Variants in HIF1A observed in about 807,000 individuals in gnomAD.
HIF1A encodes hypoxia inducible factor 1 subunit alpha, also known as hypoxia-inducible factor 1-alpha.
Under a neutral mutation model 92.7 loss-of-function variants are expected in HIF1A, and 24 were observed. The observed-to-expected ratio is 0.26, with a 90% CI of 0.19 to 0.36. The LOEUF (loss-of-function observed/expected upper bound fraction) is 0.36. HIF1A is among the 10% of genes least tolerant of loss of function. The pLI, the probability that HIF1A is intolerant of heterozygous loss-of-function variation, is 1.00. For missense variants in HIF1A, 799 were observed against 998.5 expected (o/e 0.80, Z 2.69); for synonymous variants, 319 against 338.7 (o/e 0.94, Z 0.64).
intron 1 of HIF1A, among the ~76,000 whole-genome samples, chr14:61,716,172 C>A (rs571511839): frequency 5.9e-4 from 90 of 152,068 alleles, no homozygotes; most frequent in Middle Eastern, 3.4e-3. Context: ...TAAAAAGATG[C>A]GTAATATATA....
intron 10 of HIF1A, chr14:61,740,088 C>CTTTTTTT (rs1395082073): frequency 4.1e-5 from 5 of 123,226 alleles, no homozygotes; most frequent in Non-Finnish European, 6.5e-5. Context: ...TTTTTTTTGA[C>CTTTTTTT]ATGGAGTCTC....
At chr14:61,735,254 G>A (rs1471478960) in intron 8 of HIF1A, among the ~76,000 whole-genome samples, 3 of 152,106 alleles carry the variant, frequency 2.0e-5, no homozygotes, top group Non-Finnish European at 4.4e-5. Context: ...TCATACTCAC[G>A]CATTAGAGAT....
intron 1 of HIF1A, among the ~76,000 whole-genome samples, chr14:61,711,207 CTTTTTTTTT>C (rs10615564): frequency 5.8e-5 from 5 of 86,132 alleles, no homozygotes; most frequent in African/African-American, 1.3e-4. Flanking sequence ...TTAAGTATTC[CTTTTTTTTT>C]TTTTTTTTTT....
Position 61,695,761 on chromosome 14 carries a change from C to T in HIF1A, c.-44C>T. ...AGCCAGCGCTTAGGCCGGAGCGAGC[C>T]TGGGGGCCGCCCGCCGTGAAGACAT... On this transcript the variant is annotated 5_prime_UTR_variant, in exon 1 of 15. Coordinates refer to ENST00000337138, the MANE Select transcript of HIF1A (RefSeq NM_001530.4). 6.4e-7 allele frequency: 1 copy of T among 1,566,572 alleles called. No homozygotes were observed. The highest frequency in any genetic ancestry group is 1.3e-5 in the African/African-American group (1 of 74,212).
intron 1 of HIF1A, among the ~76,000 whole-genome samples, chr14:61,701,943 G>A (rs964875821): frequency 4.6e-5 from 7 of 151,968 alleles, no homozygotes; most frequent in Non-Finnish European, 7.4e-5. Flanking sequence ...AGCCAAGATC[G>A]CCCCATTGCA....
intron 1 of HIF1A, among the ~76,000 whole-genome samples, chr14:61,718,886 G>A (rs1332058535): frequency 1.3e-5 from 2 of 152,126 alleles, no homozygotes; most frequent in Non-Finnish European, 2.9e-5. Flanking sequence ...AGATGCTTGA[G>A]TTGAAATTTT....
At chr14:61,721,912 T>G (rs974024681) in intron 4 of HIF1A, 89 bp downstream of exon 4, 1 of 836,194 alleles carries the variant, frequency 1.2e-6, no homozygotes, top group East Asian at 2.7e-5. Flanking sequence ...GCTATTGTAC[T>G]TACCCAAGGC....
intron 1 of HIF1A, among the ~76,000 whole-genome samples, chr14:61,713,687 T>A (rs1406684623): frequency 1.3e-5 from 2 of 152,172 alleles, no homozygotes; most frequent in Non-Finnish European, 2.9e-5. Context: ...TCCTTATTAA[T>A]ATCCTCTATT....
chr14:61,707,576 G>C (rs189336146), intron 1 of HIF1A, among the ~76,000 whole-genome samples: 1 of 151,660 alleles, frequency 6.6e-6, no homozygotes, highest in South Asian at 2.1e-4. Context: ...TTGTCCTTGC[G>C]ATAGTTTGCT....
At chr14:61,699,284 T>G (rs1329875642) in intron 1 of HIF1A, among the ~76,000 whole-genome samples, 1 of 152,212 alleles carries the variant, frequency 6.6e-6, no homozygotes, top group Admixed American at 6.5e-5. Flanking sequence ...CTTGTGCAGT[T>G]TGGAGAATGT....
At chr14:61,745,443 A>G (rs192626624) in intron 13 of HIF1A, 37 of 461,750 alleles carry the variant, frequency 8.0e-5, no homozygotes, top group Middle Eastern at 1.3e-3. Flanking sequence ...AAGAACTGCT[A>G]TGTTTTGGGG....
chr14:61,724,643 A>C (rs545007678), intron 4 of HIF1A, among the ~76,000 whole-genome samples: 5 of 151,976 alleles, frequency 3.3e-5, no homozygotes, highest in African/African-American at 1.2e-4. Context: ...TTTCTTTTCT[A>C]CTTTACAGTG....
chr14:61,711,263 G>C (rs2044304888), intron 1 of HIF1A, among the ~76,000 whole-genome samples: 1 of 135,188 alleles, frequency 7.4e-6, no homozygotes, highest in East Asian at 2.2e-4. Flanking sequence ...GGAGTGCAGT[G>C]GCACAATCAC....
chr14:61,695,770 G>A lies in HIF1A; in HGVS notation c.-35G>A. The A allele has an allele frequency of 1.9e-6, 3 of 1,570,158 alleles. No homozygotes were observed. The highest frequency in any genetic ancestry group is 2.6e-6 in the Non-Finnish European group (3 of 1,159,664). On this transcript the variant is annotated 5_prime_UTR_variant, in exon 1 of 15. Transcript: ENST00000337138. ...TTAGGCCGGAGCGAGCCTGGGGGCC[G>A]CCCGCCGTGAAGACATCGCGGGGAC...
intron 4 of HIF1A, among the ~76,000 whole-genome samples, chr14:61,722,643 G>C (rs1175162534): frequency 6.6e-6 from 1 of 152,116 alleles, no homozygotes; most frequent in East Asian, 1.9e-4. Flanking sequence ...TTGAGTCTAA[G>C]GCCCAATAAA....
rs188461135 is a variant in HIF1A at position 61,732,461 on chromosome 14, C to T, written c.817C>T (p.Arg273Cys). Residue 273 changes from arginine (R) to cysteine (C), a missense_variant, in exon 7 of 15, where the codon CGC (arginine) becomes TGC (cysteine). By Grantham distance (180) the Arg-to-Cys change is radical. Coordinates refer to ENST00000337138, the MANE Select transcript of HIF1A (RefSeq NM_001530.4). ...MGYEPEELLGRSIYEYYHALD... is the reference protein window; with the variant it reads ...MGYEPEELLGCSIYEYYHALD... ...ATATGAGCCAGAAGAACTTTTAGGC[C>T]GCTCAATTTATGAATATTATCATGC... The T allele has an allele frequency of 1.5e-5, 24 of 1,611,468 alleles. No homozygotes were observed. The highest frequency in any genetic ancestry group is 6.7e-5 in the African/African-American group (5 of 74,928).
chr14:61,701,185 C>G (rs2044172071), intron 1 of HIF1A, among the ~76,000 whole-genome samples: 3 of 152,164 alleles, frequency 2.0e-5, no homozygotes, highest in African/African-American at 4.8e-5. Flanking sequence ...TTTAGCTGTT[C>G]TGGTGATCTC....
At chr14:61,726,955 C>G (rs888933442) in intron 5 of HIF1A, 137 bp downstream of exon 5, 6 of 535,020 alleles carry the variant, frequency 1.1e-5, no homozygotes, top group Admixed American at 3.8e-5. Context: ...ATCTTCAACT[C>G]ATTTGCATGT....
chr14:61,720,653 G>T, intron 2 of HIF1A, 81 bp downstream of exon 2: 1 of 900,966 alleles, frequency 1.1e-6, no homozygotes, highest in Non-Finnish European at 1.6e-6. Context: ...GAAGGTGGTC[G>T]CAATGTTTTG....
Sources: allele counts gnomAD v4.1 joint callset (sites outside exome capture counted in the v4.1 genomes callset), GRCh38; gene constraint gnomAD v4.1.1; transcripts MANE v1.5; gene names NCBI Gene and HGNC (gene_info 2026-07-23, HGNC 2026-07-21).